TNFSF4: variants seen among roughly 807,000 people sequenced by gnomAD.
TNFSF4 encodes the protein tumor necrosis factor ligand superfamily member 4.
A neutral mutation model predicts 7.3 loss-of-function variants in TNFSF4; 4 were observed. That is an observed-to-expected ratio of 0.55 (90% CI 0.27 to 1.25). The LOEUF is 1.25. TNFSF4 is among the 50% of genes most tolerant of loss of function. The pLI is 0.12. For synonymous variants in TNFSF4, 76 were observed against 83.7 expected (o/e 0.91, Z 0.50); for missense variants, 181 against 208.8 (o/e 0.87, Z 0.82).
the TNFSF4 span, among the ~76,000 whole-genome samples, chr1:173,343,501 G>C: frequency 2.0e-5 from 3 of 152,176 alleles, no homozygotes; most frequent in Non-Finnish European, 2.9e-5. Flanking sequence ...GATGCAGCAA[G>C]GGAGAGACAC....
chr1:173,176,312 T>G, the TNFSF4 span, among the ~76,000 whole-genome samples: 5 of 152,244 alleles, frequency 3.3e-5, no homozygotes, highest in Non-Finnish European at 7.4e-5. Flanking sequence ...GAAGGAATAT[T>G]TCACTATTTA....
At chr1:173,264,420 G>T in the TNFSF4 span, among the ~76,000 whole-genome samples, 1 of 148,562 alleles carries the variant, frequency 6.7e-6, no homozygotes, top group Non-Finnish European at 1.5e-5. Context: ...CTCCCAAAGT[G>T]TTGGGATTAC....
intron 1 of TNFSF4, among the ~76,000 whole-genome samples, chr1:173,206,241 C>A (rs1281343143): frequency 6.6e-6 from 1 of 151,954 alleles, no homozygotes; most frequent in Non-Finnish European, 1.5e-5. Flanking sequence ...CAGTGAAGAA[C>A]ATCCTTAAAT....
chr1:173,339,187 T>TGGGCAACA, the TNFSF4 span, among the ~76,000 whole-genome samples: 11 of 152,156 alleles, frequency 7.2e-5, no homozygotes, highest in African/African-American at 2.4e-4. Flanking sequence ...GAGACCAGCG[T>TGGGCAACA]GGGCAACATA....
At chr1:173,247,598 G>T in the TNFSF4 span, among the ~76,000 whole-genome samples, 1 of 152,152 alleles carries the variant, frequency 6.6e-6, no homozygotes, top group Non-Finnish European at 1.5e-5. Flanking sequence ...ACAAAGTTTC[G>T]GTTATCTCTG....
At chr1:173,216,998 T>C in the TNFSF4 span, among the ~76,000 whole-genome samples, 5 of 152,254 alleles carry the variant, frequency 3.3e-5, no homozygotes, top group South Asian at 2.1e-4. Context: ...CTTATAGGAA[T>C]TGCCCAAGCT....
intron 1 of TNFSF4, among the ~76,000 whole-genome samples, chr1:173,202,070 T>TATATATATATATATATATACACA (rs150074641): frequency 1.5e-3 from 227 of 149,536 alleles, no homozygotes; most frequent in Admixed American, 2.8e-3. Flanking sequence ...TATATATATA[T>TATATATATATATATATATACACA]ACACACACAC....
At chr1:173,442,694 G>A in the TNFSF4 span, among the ~76,000 whole-genome samples, 1 of 151,704 alleles carries the variant, frequency 6.6e-6, no homozygotes, top group Non-Finnish European at 1.5e-5. Context: ...GGGATTACAG[G>A]CACCCGCCAC....
chr1:173,300,804 CA>C, the TNFSF4 span, among the ~76,000 whole-genome samples: 1 of 151,742 alleles, frequency 6.6e-6, no homozygotes, highest in African/African-American at 2.4e-5. Context: ...AAAGTAAAAG[CA>C]AAGTGTATTG....
the TNFSF4 span, among the ~76,000 whole-genome samples, chr1:173,368,873 A>T: frequency 9.9e-3 from 1,498 of 151,986 alleles, 17 homozygotes; most frequent in Non-Finnish European, 0.011. Flanking sequence ...GTTTCTAAAA[A>T]CCACTCCCTG....
At chr1:173,387,299 G>A in the TNFSF4 span, among the ~76,000 whole-genome samples, 2 of 152,060 alleles carry the variant, frequency 1.3e-5, no homozygotes, top group East Asian at 3.8e-4. Context: ...GGCAATGAGG[G>A]CTCCACCGTC....
the TNFSF4 span, among the ~76,000 whole-genome samples, chr1:173,343,648 T>C: frequency 6.6e-6 from 1 of 152,214 alleles, no homozygotes; most frequent in South Asian, 2.1e-4. Flanking sequence ...GAGTAACCCT[T>C]TTTCATACTC....
the TNFSF4 span, among the ~76,000 whole-genome samples, chr1:173,429,398 G>T: frequency 2.0e-5 from 3 of 152,202 alleles, no homozygotes; most frequent in African/African-American, 7.2e-5. Context: ...AATTCTTGTA[G>T]CATCTGTTAG....
the TNFSF4 span, among the ~76,000 whole-genome samples, chr1:173,336,439 C>T: frequency 1.5e-3 from 231 of 152,338 alleles, 1 homozygote; most frequent in African/African-American, 5.4e-3. Context: ...TCATCACATT[C>T]TCTGGTACCT....
chr1:173,256,448 C>A, the TNFSF4 span, among the ~76,000 whole-genome samples: 1 of 152,060 alleles, frequency 6.6e-6, no homozygotes, highest in Non-Finnish European at 1.5e-5. Context: ...GAAGGCCTCA[C>A]CTTCATGACT....
chr1:173,248,050 T>C, the TNFSF4 span, among the ~76,000 whole-genome samples: 4 of 152,204 alleles, frequency 2.6e-5, no homozygotes, highest in Admixed American at 1.3e-4. Flanking sequence ...TCTAGATAGA[T>C]AGAACAGCAT....
chr1:173,197,806 C>T (rs369317492), intron 1 of TNFSF4, among the ~76,000 whole-genome samples: 17 of 151,844 alleles, frequency 1.1e-4, no homozygotes, highest in African/African-American at 3.6e-4. Context: ...CAAACCTGCA[C>T]ATCCTGCACA....
the TNFSF4 span, among the ~76,000 whole-genome samples, chr1:173,404,219 A>G: frequency 6.6e-6 from 1 of 152,188 alleles, no homozygotes; most frequent in African/African-American, 2.4e-5. Context: ...ATAACTATGC[A>G]GACCACAGAT....
chr1:173,180,756 AT>A (rs1221459244), downstream of TNFSF4, among the ~76,000 whole-genome samples: 1 of 152,206 alleles, frequency 6.6e-6, no homozygotes, highest in Non-Finnish European at 1.5e-5. Context: ...AATTTGGTAT[AT>A]TTTATCAATG....
Sources: allele counts gnomAD v4.1 joint callset (sites outside exome capture counted in the v4.1 genomes callset), GRCh38; gene constraint gnomAD v4.1.1; transcripts MANE v1.5; gene names NCBI Gene and HGNC (gene_info 2026-07-23, HGNC 2026-07-21).